CDON: variants seen among roughly 807,000 people sequenced by gnomAD.
CDON encodes cell adhesion molecule-related/down-regulated by oncogenes.
In CDON, 73 loss-of-function variants were observed where a neutral mutation model predicts 120.9. The observed-to-expected ratio is 0.60, with a 90% confidence interval of 0.50 to 0.73. CDON has a LOEUF of 0.73. Ranked by LOEUF, CDON falls within the 30% of genes least tolerant of loss-of-function variation. The pLI is 0.00. For synonymous variants in CDON, 566 were observed against 573.5 expected (o/e 0.99, Z 0.19); for missense variants, 1,470 against 1,587.3 (o/e 0.93, Z 1.26).
At chr11:126,047,564 G>A (rs1029384894) in intron 1 of CDON, among the ~76,000 whole-genome samples, 4 of 152,196 alleles carry the variant, frequency 2.6e-5, no homozygotes, top group African/African-American at 9.7e-5. Context: ...AACAGCAACA[G>A]CAACTGCTCG....
chr11:126,021,362 G>C lies in CDON; in HGVS notation c.235C>G (p.Gln79Glu). ...AGAGAAAGAATTGTCAGAGTCCCCT[G>C]ATGAATCTTAACATGTTCCAGGTTT... ...DGNLEHVKIH[Q>E]GTLTILSLNS... Residue 79 changes from glutamine to glutamate, a missense_variant, in exon 3 of 20, where the codon CAG becomes GAG. Physicochemically the swap from Gln to Glu is conservative, Grantham distance 29. Transcript: ENST00000531738. 2.5e-6 allele frequency: 4 copies of C among 1,614,110 alleles called. No individual in the cohort carries two copies. Among genetic ancestry groups the C allele is most frequent in the Non-Finnish European group, 3.4e-6 (4 of 1,180,000 alleles).
At chr11:125,994,801 C>T in intron 13 of CDON, 70 bp downstream of exon 13, 1 of 1,350,340 alleles carries the variant, frequency 7.4e-7, no homozygotes, top group Non-Finnish European at 1.1e-6. Context: ...TGTATTGTGT[C>T]ATGAGAATAT....
chr11:125,995,014 A>G lies in CDON; in HGVS notation c.2401T>C (p.Tyr801His), dbSNP rs376660029. ...YKFRVIAINH[Y>H]GESFRSSASR... The stretch of plus-strand genomic sequence containing the variant: ...GCTGAACTCCGAAAACTCTCACCAT[A>G]ATGGTTGATGGCAATGACCCTAAAT... Residue 801 changes from tyrosine to histidine, a missense_variant, in exon 13 of 20, where the codon TAT becomes CAT. Coordinates refer to ENST00000531738, the MANE Select transcript of CDON (RefSeq NM_001378964.1). The G allele has an allele frequency of 3.1e-6, 5 of 1,614,166 alleles. No individual in the cohort carries two copies. Among genetic ancestry groups the G allele is most frequent in the Non-Finnish European group, 4.2e-6 (5 of 1,180,016 alleles).
intron 16 of CDON, among the ~76,000 whole-genome samples, chr11:125,982,582 T>G (rs917884969): frequency 9.2e-5 from 14 of 152,208 alleles, no homozygotes; most frequent in African/African-American, 2.9e-4. Context: ...AGGTGGTGTT[T>G]ATTTTATTTA....
chr11:126,053,739 CCATACCCACTCT>C (rs1948622830), intron 1 of CDON, among the ~76,000 whole-genome samples: 1 of 152,148 alleles, frequency 6.6e-6, no homozygotes, highest in African/African-American at 2.4e-5. Flanking sequence ...CGAGGATTCC[CCATACCCACTCT>C]CATACTCTCA....
intron 18 of CDON, among the ~76,000 whole-genome samples, chr11:125,966,395 G>A (rs1187987601): frequency 6.6e-6 from 1 of 152,088 alleles, no homozygotes; most frequent in South Asian, 2.1e-4. Flanking sequence ...GGGCACAGGC[G>A]AACAGAGGAT....
At chr11:125,983,143 G>A (rs911710205) in intron 16 of CDON, among the ~76,000 whole-genome samples, 2 of 152,132 alleles carry the variant, frequency 1.3e-5, no homozygotes, top group East Asian at 1.9e-4. Flanking sequence ...GGAGCCAAAG[G>A]GGAAACCAAA....
intron 18 of CDON, among the ~76,000 whole-genome samples, chr11:125,977,817 C>T (rs1225203231): frequency 7.4e-6 from 1 of 135,104 alleles, no homozygotes; most frequent in Non-Finnish European, 1.6e-5. Context: ...GCTTAATTTT[C>T]TTAAGATTTT....
In CDON at chr11:126,017,380, A is replaced by T. The variant is rs757156779; in HGVS notation, c.641-5T>A. On this transcript the variant is annotated splice_region_variant and splice_polypyrimidine_tract_variant and intron_variant, in intron 5 of 19. Coordinates refer to ENST00000531738, the MANE Select transcript of CDON (RefSeq NM_001378964.1). ...GAACATCATCTGAAGAAGGACCTGG[A>T]AAAGGAAAGGAGATGAGAGATTATT... 1 of 1,613,770 alleles carries T rather than the reference A, an allele frequency of 6.2e-7. No homozygotes were observed. Among genetic ancestry groups the T allele is most frequent in the South Asian group, 1.1e-5 (1 of 91,070 alleles).
rs1428494057 is a variant in CDON, at chr11:126,004,026, T to C, written c.1902A>G (p.Pro634=). ...CTAAATGGAGCTCATTTTCACTTCC[T>C]GGGACTCGAACCGTGTGCCAGCTTC... ...MLGSWHTVRV[P]GSENELHLAE... The change falls in exon 10 of 20, where the codon CCA becomes CCG. Residue 634 remains proline (P), a synonymous_variant. Transcript: ENST00000531738. The C allele has an allele frequency of 1.2e-6, 2 of 1,614,026 alleles. No individual in the cohort carries two copies. The highest frequency in any genetic ancestry group is 2.2e-5 in the East Asian group (1 of 44,844).
At chr11:126,028,723 T>C (rs1272914835) in intron 1 of CDON, among the ~76,000 whole-genome samples, 1 of 151,034 alleles carries the variant, frequency 6.6e-6, no homozygotes, top group African/African-American at 2.4e-5. Flanking sequence ...TTTATTTATT[T>C]ATTTATTTAT....
chr11:125,989,656 C>T lies in CDON; in HGVS notation c.2754G>A (p.Val918=), dbSNP rs1204657575. Residue 918 remains valine, a synonymous_variant, in exon 15 of 20, where the codon GTG becomes GTA. Coordinates refer to ENST00000531738, the MANE Select transcript of CDON (RefSeq NM_001378964.1). ...TCCTACCTTTAGTCTCGCAGATCAT[C>T]ACATTGCTAAATTCACTTTCTCCTC... ...NEGGESEFSN[V]MICETKVKRV... The T allele has an allele frequency of 1.2e-6, 2 of 1,613,368 alleles. No individual in the cohort carries two copies. The highest frequency in any genetic ancestry group is 8.5e-7 in the Non-Finnish European group (1 of 1,179,574).
intron 18 of CDON, among the ~76,000 whole-genome samples, chr11:125,974,505 A>T (rs1407816380): frequency 6.6e-6 from 1 of 152,016 alleles, no homozygotes; most frequent in Non-Finnish European, 1.5e-5. Context: ...CTGAAGATGT[A>T]TTAAGGCAGT....
At chr11:126,015,213 T>C in intron 7 of CDON, 28 bp downstream of exon 7, 1 of 1,610,928 alleles carries the variant, frequency 6.2e-7, no homozygotes, top group Non-Finnish European at 8.5e-7. Flanking sequence ...ATAAAAGTTC[T>C]TATGACTGGC....
chr11:126,043,690 C>T (rs1271186759), intron 1 of CDON, among the ~76,000 whole-genome samples: 1 of 152,228 alleles, frequency 6.6e-6, no homozygotes, highest in East Asian at 1.9e-4. Context: ...CCTAAGCCTT[C>T]CCGCGCCATA....
At chr11:126,001,215 T>C (rs1946934504) in intron 11 of CDON, among the ~76,000 whole-genome samples, 1 of 148,516 alleles carries the variant, frequency 6.7e-6, no homozygotes, top group Admixed American at 6.7e-5. Context: ...TTTTTTGAGG[T>C]CTCACTCTGT....
intron 1 of CDON, among the ~76,000 whole-genome samples, chr11:126,040,979 AG>A (rs1479722868): frequency 6.6e-6 from 1 of 151,716 alleles, no homozygotes; most frequent in Non-Finnish European, 1.5e-5. Context: ...TCACAAGGTC[AG>A]GAGTTCCAGA....
rs182492590 is a variant in CDON, at chr11:126,012,963, C to T, written c.1199-2269G>A. On this transcript the variant is annotated intron_variant, in intron 7 of 19. Coordinates refer to ENST00000531738, the MANE Select transcript of CDON (RefSeq NM_001378964.1). ...CCAGAAGAGATTTTCAAAGGGAGTG[C>T]TTCTTATATTTCACCATTAAATGCA... Among the ~76,000 whole-genome samples, 60 of 152,226 alleles carry T rather than the reference C, an allele frequency of 3.9e-4. 2 individuals are homozygous for T. The highest frequency in any genetic ancestry group is 1.3e-3 in the African/African-American group (56 of 41,540).
intron 1 of CDON, among the ~76,000 whole-genome samples, chr11:126,061,981 A>G (rs1305211445): frequency 1.3e-5 from 2 of 152,224 alleles, no homozygotes; most frequent in Non-Finnish European, 2.9e-5. Context: ...AGAGAAAGCA[A>G]CAAAGGTCTG....
Sources: allele counts gnomAD v4.1 joint callset (sites outside exome capture counted in the v4.1 genomes callset), GRCh38; gene constraint gnomAD v4.1.1; transcripts MANE v1.5; gene names NCBI Gene and HGNC (gene_info 2026-07-23, HGNC 2026-07-21).